The following CCNY variants were observed in gnomAD, a reference collection of about 807,000 sequenced individuals.
The protein encoded by CCNY is cyclin Y, also known as cyclin-Y.
Under a neutral mutation model 42.8 loss-of-function variants are expected in CCNY, and 19 were observed. The observed-to-expected ratio is 0.44, with a 90% CI of 0.31 to 0.65. CCNY has a LOEUF of 0.65. Among genes scored for constraint, CCNY ranks in the 30% least tolerant of loss-of-function variants. The pLI is 0.07. For missense variants in CCNY, 370 were observed against 437.3 expected (o/e 0.85, Z 1.37); for synonymous variants, 165 against 162.7 (o/e 1.01, Z -0.11).
At chr10:35,448,925 A>T (rs982177714) in intron 1 of CCNY, among the ~76,000 whole-genome samples, 1 of 152,054 alleles carries the variant, frequency 6.6e-6, no homozygotes, top group Non-Finnish European at 1.5e-5. Context: ...ACCCTGAGGC[A>T]TGTCAAGGGG....
Position 35,476,220 on chromosome 10 carries a change from A to G in CCNY, c.155-7184A>G, listed in dbSNP as rs1481365506. Reference sequence around the variant, plus strand: ...AACACCCACTGTCAACATTAGACAGATCAACGAGACAGAAAGTCAATAAGG... The same window carrying G: ...AACACCCACTGTCAACATTAGACAGGTCAACGAGACAGAAAGTCAATAAGG... On this transcript the variant is annotated intron_variant, in intron 1 of 9. Transcript: ENST00000374704. 5.3e-5 allele frequency among the ~76,000 whole-genome samples: 8 copies of G among 152,220 alleles called. No individual in the cohort carries two copies. In the East Asian group the frequency reaches 5.8e-4, roughly 11 times the overall value.
chr10:35,353,521 G>C (rs1836471844), intron 1 of CCNY, among the ~76,000 whole-genome samples: 1 of 152,204 alleles, frequency 6.6e-6, no homozygotes. Flanking sequence ...AGGCTGTTCA[G>C]AGCATCAAGG....
At chr10:35,537,976 CTTG>C (rs1840920340) in intron 7 of CCNY, among the ~76,000 whole-genome samples, 1 of 152,132 alleles carries the variant, frequency 6.6e-6, no homozygotes, top group South Asian at 2.1e-4. Flanking sequence ...CATAATTCCC[CTTG>C]TTGTGGGAGG....
At chr10:35,400,665 G>C (rs897160704) in intron 1 of CCNY, among the ~76,000 whole-genome samples, 10 of 152,102 alleles carry the variant, frequency 6.6e-5, no homozygotes, top group African/African-American at 1.9e-4. Flanking sequence ...ATTTATTAAT[G>C]GTGCAATATG....
chr10:35,519,267 A>G (rs984652543), intron 4 of CCNY, among the ~76,000 whole-genome samples: 1 of 145,526 alleles, frequency 6.9e-6, no homozygotes, highest in Non-Finnish European at 1.5e-5. Context: ...GTATACTGTG[A>G]GTATCTGGAT....
intron 1 of CCNY, among the ~76,000 whole-genome samples, chr10:35,444,271 C>T (rs538666430): frequency 2.5e-4 from 35 of 142,488 alleles, no homozygotes; most frequent in African/African-American, 6.6e-4. Flanking sequence ...TTTTTGGAGA[C>T]GGAGTCTTGC....
chr10:35,294,325 G>A (rs1463747164), intron 3 of CCNY, among the ~76,000 whole-genome samples: 1 of 152,280 alleles, frequency 6.6e-6, no homozygotes, highest in South Asian at 2.1e-4. Context: ...AGATATCTTT[G>A]TCTTATTCCT....
At chr10:35,281,507 T>C (rs1835299028) in intron 3 of CCNY, among the ~76,000 whole-genome samples, 1 of 152,070 alleles carries the variant, frequency 6.6e-6, no homozygotes, top group South Asian at 2.1e-4. Flanking sequence ...TTTCAGCATC[T>C]TGGCCAGGCT....
At chr10:35,500,333 G>A (rs1299755972) in intron 2 of CCNY, among the ~76,000 whole-genome samples, 1 of 152,254 alleles carries the variant, frequency 6.6e-6, no homozygotes, top group Non-Finnish European at 1.5e-5. Context: ...GTGGAAGGCA[G>A]CATTCATTCC....
intron 1 of CCNY, among the ~76,000 whole-genome samples, chr10:35,408,057 G>GC (rs1249758867): frequency 6.6e-6 from 1 of 152,170 alleles, no homozygotes; most frequent in Non-Finnish European, 1.5e-5. Flanking sequence ...TTAAGAGAAG[G>GC]GAGAGATTGA....
At chr10:35,430,709 GAA>G (rs552986021) in intron 1 of CCNY, among the ~76,000 whole-genome samples, 181 of 152,258 alleles carry the variant, frequency 1.2e-3, no homozygotes, top group African/African-American at 4.3e-3. Flanking sequence ...AATTTAATAA[GAA>G]AAAGATTTCT....
At chr10:35,308,915 G>A (rs1250592475) in intron 3 of CCNY, among the ~76,000 whole-genome samples, 1 of 152,118 alleles carries the variant, frequency 6.6e-6, no homozygotes, top group African/African-American at 2.4e-5. Flanking sequence ...GGGAGGGTGA[G>A]AGTGATCTCA....
At chr10:35,312,945 T>G (rs2135087712) in intron 3 of CCNY, among the ~76,000 whole-genome samples, 1 of 152,130 alleles carries the variant, frequency 6.6e-6, no homozygotes, top group South Asian at 2.1e-4. Flanking sequence ...CTTAGGCTTT[T>G]TCCTATCATT....
intron 4 of CCNY, among the ~76,000 whole-genome samples, chr10:35,523,562 A>G (rs1724513901): frequency 6.6e-6 from 1 of 152,208 alleles, no homozygotes. Context: ...AAATTGGCCT[A>G]CAGAGTGGCT....
At chr10:35,511,660 A>C (rs1266260783) in intron 3 of CCNY, among the ~76,000 whole-genome samples, 1 of 152,192 alleles carries the variant, frequency 6.6e-6, no homozygotes. Context: ...CTTGTCTGTA[A>C]AATGGGAATT....
At chr10:35,303,393 TG>T (rs1441972854) in intron 3 of CCNY, among the ~76,000 whole-genome samples, 1 of 151,150 alleles carries the variant, frequency 6.6e-6, no homozygotes, top group East Asian at 2.0e-4. Context: ...TTGATCAGGT[TG>T]GTCTTGAACT....
At chr10:35,352,110 C>A (rs904004783) in intron 1 of CCNY, among the ~76,000 whole-genome samples, 1 of 152,138 alleles carries the variant, frequency 6.6e-6, no homozygotes, top group African/African-American at 2.4e-5. Flanking sequence ...GACGGTGGGT[C>A]ACTGTGTGGG....
intron 3 of CCNY, among the ~76,000 whole-genome samples, chr10:35,275,406 T>A (rs952153395): frequency 6.6e-6 from 1 of 151,952 alleles, no homozygotes; most frequent in African/African-American, 2.4e-5. Context: ...GTTCAGAGGT[T>A]TCCACTTGGC....
chr10:35,434,293 G>A (rs1173911829), intron 1 of CCNY: 1 of 152,148 alleles, frequency 6.6e-6, no homozygotes, highest in Non-Finnish European at 1.5e-5. Flanking sequence ...TGGGGATTTG[G>A]GTGTGATGGG....
Sources: allele counts gnomAD v4.1 joint callset (sites outside exome capture counted in the v4.1 genomes callset), GRCh38; gene constraint gnomAD v4.1.1; transcripts MANE v1.5; gene names NCBI Gene and HGNC (gene_info 2026-07-23, HGNC 2026-07-21).